Variants in CFAP92 observed in about 807,000 individuals in gnomAD.
CFAP92 encodes the protein cilia and flagella associated protein 92 (putative).
Under a neutral mutation model 106.3 loss-of-function variants are expected in CFAP92, and 86 were observed. The ratio of observed to expected loss-of-function variants is 0.81; its 90% confidence interval spans 0.68 to 0.97. The LOEUF (loss-of-function observed/expected upper bound fraction) is 0.97. Among genes scored for constraint, CFAP92 ranks in the 50% least tolerant of loss-of-function variants. CFAP92 has a pLI of 0.00. For synonymous variants in CFAP92, 477 were observed against 506.4 expected (o/e 0.94, Z 0.78); for missense variants, 1,204 against 1,283.8 (o/e 0.94, Z 0.95).
the CFAP92 span, among the ~76,000 whole-genome samples, chr3:129,021,240 G>A: frequency 3.3e-5 from 5 of 152,182 alleles, no homozygotes; most frequent in African/African-American, 1.2e-4. Flanking sequence ...TGAGACTGGA[G>A]CCCACCTCTG....
chr3:129,004,162 C>T (rs1002094736), upstream of CFAP92: 10 of 1,342,472 alleles, frequency 7.4e-6, no homozygotes, highest in East Asian at 3.1e-5. Context: ...CCCCCTCCCA[C>T]GCGCTCTCGT....
chr3:128,963,326 C>T (rs534226713), intron 9 of CFAP92, among the ~76,000 whole-genome samples: 2,091 of 152,228 alleles, frequency 0.014, 23 homozygotes, highest in Non-Finnish European at 0.021. Context: ...ACTGTTTTAG[C>T]CTAGCCCTCA....
intron 1 of CFAP92, among the ~76,000 whole-genome samples, chr3:128,999,192 C>T (rs913856359): frequency 2.6e-5 from 4 of 152,204 alleles, no homozygotes; most frequent in Non-Finnish European, 2.9e-5. Context: ...TACAAAAGAA[C>T]GCAAGGAGAC....
chr3:128,935,331 A>G lies in CFAP92; in HGVS notation c.2259-12T>C. On this transcript the variant is annotated splice_polypyrimidine_tract_variant and intron_variant, in intron 10 of 15. Transcript: ENST00000645291. Reference sequence around the variant, plus strand: ...CTGACCTGGGAATCCTGCAAGAGACAGAAGGCCAAGAGCTAACTTGCATGG... The same window carrying G: ...CTGACCTGGGAATCCTGCAAGAGACGGAAGGCCAAGAGCTAACTTGCATGG... 1 of 1,486,294 alleles carries G rather than the reference A, an allele frequency of 6.7e-7. No individual in the cohort carries two copies. The highest frequency in any genetic ancestry group is 9.0e-7 in the Non-Finnish European group (1 of 1,113,758). The allele number at this position is 1,486,294 out of a possible 1,614,324, so 92.1% of individuals were successfully genotyped here.
chr3:128,956,215 T>TAAAAAAAAAAAAAAAAAAAAAAA (rs545191144), intron 9 of CFAP92, among the ~76,000 whole-genome samples: 35 of 68,668 alleles, frequency 5.1e-4, no homozygotes, highest in South Asian at 9.1e-4. Context: ...AATAAAAAAA[T>TAAAAAAAAAAAAAAAAAAAAAAA]AAAAAAAAAA....
intron 15 of CFAP92, chr3:128,912,943 G>A (rs749378291): frequency 2.0e-6 from 1 of 512,796 alleles, no homozygotes; most frequent in Non-Finnish European, 3.8e-6. Context: ...TGAGGTGGGT[G>A]GGGACCTGTG....
chr3:128,978,921 A>G (rs1375559580), intron 4 of CFAP92, among the ~76,000 whole-genome samples: 3 of 152,248 alleles, frequency 2.0e-5, no homozygotes, highest in Admixed American at 6.5e-5. Flanking sequence ...TAAAACACCA[A>G]AAACAATGGT....
At chr3:128,954,919 GGTGTCGGCCCCCCGCCCGGC>G (rs1448446782) in intron 9 of CFAP92, among the ~76,000 whole-genome samples, 7 of 25,730 alleles carry the variant, frequency 2.7e-4, no homozygotes, top group Non-Finnish European at 3.6e-4. Context: ...GGGAGGTGGG[GGTGTCGGCCCCCCGCCCGGC>G]CAGCCGCCCC....
intron 12 of CFAP92, among the ~76,000 whole-genome samples, chr3:128,923,099 TTC>T: frequency 6.6e-6 from 1 of 152,360 alleles, no homozygotes; most frequent in African/African-American, 2.4e-5. Flanking sequence ...AAGTTTTTGC[TTC>T]TGTTTCGCTA....
At position 128,945,237 on chromosome 3, in the gene CFAP92, G is replaced by A; in HGVS notation, c.2092C>T (p.Leu698=). ...LGLDSYPVRT[L]QQILSAFKVR... Reference sequence around the variant, plus strand: ...TTGAAGGCTGACAGGATCTGCTGCAGGGTCCTGACAGGGTAGGAGTCCAGG... The same window carrying A: ...TTGAAGGCTGACAGGATCTGCTGCAAGGTCCTGACAGGGTAGGAGTCCAGG... The change falls in exon 10 of 16, where the codon CTG becomes TTG. Residue 698 remains leucine (L), a synonymous_variant. Coordinates refer to ENST00000645291, the MANE Select transcript of CFAP92 (RefSeq NM_001394090.1). 1 of 1,536,146 alleles carries A rather than the reference G, an allele frequency of 6.5e-7. No homozygotes were observed. Among genetic ancestry groups the A allele is most frequent in the South Asian group, 1.2e-5 (1 of 84,060 alleles).
chr3:129,011,331 A>T, the CFAP92 span, among the ~76,000 whole-genome samples: 3 of 152,140 alleles, frequency 2.0e-5, no homozygotes, highest in Non-Finnish European at 4.4e-5. Flanking sequence ...TGGGTGGATC[A>T]CCTGAGGTCA....
intron 8 of CFAP92, chr3:128,967,725 A>G (rs1942487403): frequency 6.6e-6 from 1 of 151,218 alleles, no homozygotes; most frequent in Non-Finnish European, 1.5e-5. Context: ...AAGACTACTC[A>G]AGGTAGAAGG....
chr3:128,943,914 T>TCCCCCC (rs56857847), intron 10 of CFAP92, among the ~76,000 whole-genome samples: 4 of 137,166 alleles, frequency 2.9e-5, no homozygotes, highest in African/African-American at 1.2e-4. Context: ...TTGGGTTATT[T>TCCCCCC]CCCCCGTTTT....
intron 9 of CFAP92, among the ~76,000 whole-genome samples, chr3:128,948,369 T>C (rs888498052): frequency 1.5e-5 from 2 of 137,414 alleles, no homozygotes; most frequent in Admixed American, 1.6e-4. Flanking sequence ...TAATTTTTCT[T>C]TTCTTTCCTT....
chr3:129,026,318 C>T, the CFAP92 span, among the ~76,000 whole-genome samples: 1 of 151,926 alleles, frequency 6.6e-6, no homozygotes, highest in African/African-American at 2.4e-5. Flanking sequence ...GCTGTCCCTC[C>T]ATCTCATTTT....
intron 9 of CFAP92, among the ~76,000 whole-genome samples, chr3:128,956,201 AAAAAAT>A (rs1941382443): frequency 1.1e-5 from 1 of 94,154 alleles, no homozygotes; most frequent in Non-Finnish European, 1.8e-5. Context: ...AAAAATAAAA[AAAAAAT>A]AAAAAAATAA....
chr3:128,967,459 TGGCAGGCCGA>T (rs1411295922), intron 8 of CFAP92: 1 of 152,226 alleles, frequency 6.6e-6, no homozygotes, highest in African/African-American at 2.4e-5. Context: ...CCCAGCAGTT[TGGCAGGCCGA>T]GGCAGGCGGA....
the CFAP92 span, among the ~76,000 whole-genome samples, chr3:129,025,053 G>A: frequency 1.1e-4 from 16 of 152,142 alleles, no homozygotes; most frequent in Non-Finnish European, 1.6e-4. Flanking sequence ...CAGGTGGCAT[G>A]AGAGGCTGTG....
the CFAP92 span, among the ~76,000 whole-genome samples, chr3:129,023,965 T>C: frequency 0.13 from 19,243 of 152,180 alleles, 1,559 homozygotes; most frequent in South Asian, 0.26. Flanking sequence ...GAATAGGTGA[T>C]AGGAGTAAAC....
Sources: gnomAD v4.1 joint callset for allele counts (sites outside exome capture counted in the v4.1 genomes callset) on GRCh38, gnomAD v4.1.1 for gene constraint, MANE v1.5 for transcripts, NCBI Gene and HGNC (gene_info 2026-07-23, HGNC 2026-07-21) for gene names.